Variants in IQCM observed in about 807,000 individuals in gnomAD.
IQCM encodes the protein IQ motif containing M.
A neutral mutation model predicts 57.6 loss-of-function variants in IQCM; 45 were observed. That is an observed-to-expected ratio of 0.78 (90% CI 0.62 to 1.00). The LOEUF (loss-of-function observed/expected upper bound fraction) is 1.00. Ranked by LOEUF, IQCM falls within the 50% of genes least tolerant of loss-of-function variation. The pLI is 0.00. For missense variants in IQCM, 468 were observed against 511.6 expected (o/e 0.91, Z 0.82); for synonymous variants, 148 against 158.9 (o/e 0.93, Z 0.51).
intron 2 of IQCM, among the ~76,000 whole-genome samples, chr4:149,752,024 C>A (rs572920975): frequency 6.6e-6 from 1 of 152,214 alleles, no homozygotes; most frequent in Non-Finnish European, 1.5e-5. Flanking sequence ...AGAATTAAAA[C>A]AGAAGAAAGA....
At chr4:149,677,847 T>A (rs1413455664) in intron 7 of IQCM, among the ~76,000 whole-genome samples, 1 of 151,912 alleles carries the variant, frequency 6.6e-6, no homozygotes, top group Non-Finnish European at 1.5e-5. Flanking sequence ...ATAATTTTTT[T>A]AAATTAAACA....
intron 7 of IQCM, among the ~76,000 whole-genome samples, chr4:149,640,694 T>TA (rs1758104587): frequency 6.6e-6 from 1 of 152,348 alleles, no homozygotes; most frequent in Non-Finnish European, 1.5e-5. Context: ...TTATCCTTTT[T>TA]ATCCAACGTT....
At chr4:149,409,258 A>C (rs1401484602) in intron 13 of IQCM, among the ~76,000 whole-genome samples, 1 of 152,194 alleles carries the variant, frequency 6.6e-6, no homozygotes, top group Non-Finnish European at 1.5e-5. Flanking sequence ...GGGTGCAAGG[A>C]AGCATGTGTG....
In IQCM at chr4:149,368,859, TATATATACATATATAC is replaced by T. The variant is rs1482423657; in HGVS notation, c.1391-16809_1391-16794del. On this transcript the variant is annotated intron_variant, in intron 13 of 13. Transcript: ENST00000636793. ...ATATATATACATATATATACATGTA[TATATATACATATATAC>T]ACGTGTATATATATGTATATATATA... Among the ~76,000 whole-genome samples the T allele has an allele frequency of 1.5e-3, 144 of 95,114 alleles. 13 individuals carry two copies. The highest frequency in any genetic ancestry group is 2.7e-3 in the Non-Finnish European group (122 of 45,864). The allele number at this position is 95,114 out of a possible 152,430, so 62.4% of individuals were successfully genotyped here.
At chr4:149,558,784 C>T (rs1382174109) in intron 10 of IQCM, among the ~76,000 whole-genome samples, 1 of 152,140 alleles carries the variant, frequency 6.6e-6, no homozygotes, top group Non-Finnish European at 1.5e-5. Flanking sequence ...TTACATTCTT[C>T]TTCCATGAAA....
At chr4:149,446,904 C>T (rs1486780446) in intron 12 of IQCM, among the ~76,000 whole-genome samples, 1 of 151,404 alleles carries the variant, frequency 6.6e-6, no homozygotes, top group African/African-American at 2.4e-5. Context: ...AAAATGTTAA[C>T]TCACGATGTT....
chr4:149,379,845 A>G (rs1730955395), intron 13 of IQCM, among the ~76,000 whole-genome samples: 1 of 152,100 alleles, frequency 6.6e-6, no homozygotes, highest in African/African-American at 2.4e-5. Flanking sequence ...CTGTGTCCTC[A>G]CCCAAATCTC....
At chr4:149,683,478 T>A (rs1193762844) in intron 6 of IQCM, among the ~76,000 whole-genome samples, 1 of 151,316 alleles carries the variant, frequency 6.6e-6, no homozygotes, top group Non-Finnish European at 1.5e-5. Context: ...TACGATCTAT[T>A]AATTTGACTG....
intron 2 of IQCM, among the ~76,000 whole-genome samples, chr4:149,746,039 C>CAAA (rs550807112): frequency 1.3e-3 from 132 of 104,474 alleles, no homozygotes; most frequent in African/African-American, 3.7e-3. Flanking sequence ...ATTCTTTTGG[C>CAAA]AAAAAAAAAA....
chr4:149,488,135 C>A (rs1028860498), intron 12 of IQCM, among the ~76,000 whole-genome samples: 4 of 151,880 alleles, frequency 2.6e-5, no homozygotes, highest in Non-Finnish European at 5.9e-5. Context: ...ATATAAAATT[C>A]TTCATATAAA....
At chr4:149,455,522 C>T (rs1737603162) in intron 12 of IQCM, among the ~76,000 whole-genome samples, 2 of 152,078 alleles carry the variant, frequency 1.3e-5, no homozygotes, top group Admixed American at 1.3e-4. Context: ...GTCCCTTTTA[C>T]AACTCCCAGA....
At chr4:149,436,256 C>T (rs1054036081) in intron 12 of IQCM, among the ~76,000 whole-genome samples, 57 of 152,038 alleles carry the variant, frequency 3.7e-4, no homozygotes, top group Admixed American at 3.9e-4. Flanking sequence ...CAATTATTTA[C>T]CTATATTTTT....
At chr4:149,357,830 G>A (rs139019558) in intron 13 of IQCM, among the ~76,000 whole-genome samples, 1,825 of 152,168 alleles carry the variant, frequency 0.012, 38 homozygotes, top group African/African-American at 0.041. Flanking sequence ...GTACCAGCTC[G>A]TCCTTGTACC....
At chr4:149,483,947 G>T (rs979880314) in intron 12 of IQCM, among the ~76,000 whole-genome samples, 1 of 151,788 alleles carries the variant, frequency 6.6e-6, no homozygotes, top group African/African-American at 2.4e-5. Context: ...CTATCTGGGT[G>T]CTCCAGTTTG....
At chr4:149,445,088 C>G (rs1274815128) in intron 12 of IQCM, among the ~76,000 whole-genome samples, 7 of 151,862 alleles carry the variant, frequency 4.6e-5, no homozygotes, top group Non-Finnish European at 1.5e-5. Flanking sequence ...AACCCTGAAG[C>G]ATGATCAAGA....
chr4:149,520,847 C>A (rs1345852775), intron 12 of IQCM, among the ~76,000 whole-genome samples: 2 of 152,098 alleles, frequency 1.3e-5, no homozygotes, highest in Non-Finnish European at 2.9e-5. Flanking sequence ...TTCCACCTTG[C>A]CTCCTACTTT....
chr4:149,637,658 C>T (rs72957443), intron 7 of IQCM, among the ~76,000 whole-genome samples: 2,802 of 152,174 alleles, frequency 0.018, 55 homozygotes, highest in African/African-American at 0.055. Context: ...TAAGATAATA[C>T]GGTATTAGCA....
intron 5 of IQCM, among the ~76,000 whole-genome samples, chr4:149,692,183 C>A (rs1762988943): frequency 6.6e-6 from 1 of 152,132 alleles, no homozygotes; most frequent in African/African-American, 2.4e-5. Flanking sequence ...CCCCAGGGAG[C>A]CTGTGCACCA....
At chr4:149,568,326 G>A (rs1750827486) in intron 9 of IQCM, among the ~76,000 whole-genome samples, 1 of 152,094 alleles carries the variant, frequency 6.6e-6, no homozygotes, top group Admixed American at 6.6e-5. Context: ...TCAGGGTCAT[G>A]TCTTTTCCTT....
Sources: allele counts gnomAD v4.1 joint callset (sites outside exome capture counted in the v4.1 genomes callset), GRCh38; gene constraint gnomAD v4.1.1; transcripts MANE v1.5; gene names NCBI Gene and HGNC (gene_info 2026-07-23, HGNC 2026-07-21).